Variants in NLK observed in about 807,000 individuals in gnomAD.
The protein encoded by NLK is nemo like kinase.
NLK carries 11 observed loss-of-function variants against 59.0 expected under a neutral mutation model. The observed-to-expected ratio is 0.19, with a 90% CI of 0.12 to 0.31. NLK has a LOEUF of 0.31. NLK is among the 10% of genes least tolerant of loss of function. The pLI is 1.00. For synonymous variants in NLK, 235 were observed against 235.9 expected, an observed-to-expected ratio of 1.00 and a Z score of 0.03; for missense variants, 410 against 661.1, an observed-to-expected ratio of 0.62 and a Z score of 4.16.
At chr17:28,076,169 G>T (rs1237906340) in intron 1 of NLK, among the ~76,000 whole-genome samples, 2 of 152,052 alleles carry the variant, frequency 1.3e-5, no homozygotes, top group Non-Finnish European at 2.9e-5. Context: ...TTAAAGAAAA[G>T]GATAATTAAA....
chr17:28,202,880 C>T, the NLK span, among the ~76,000 whole-genome samples: 3 of 151,626 alleles, frequency 2.0e-5, no homozygotes, highest in African/African-American at 4.8e-5. Context: ...GATGGGGTTT[C>T]GCCATGTTGG....
rs886748924 is a variant in NLK, at chr17:28,144,267, T to C, written c.644+11592T>C. On this transcript the variant is annotated intron_variant, in intron 3 of 10. Transcript: ENST00000407008. Reference sequence around the variant, plus strand: ...TAGTGTGTAGCAAATCCTGAGATTGTTTTAAAGCACTGTTTAAAGTTCAAA... The same window carrying C: ...TAGTGTGTAGCAAATCCTGAGATTGCTTTAAAGCACTGTTTAAAGTTCAAA... Among the ~76,000 whole-genome samples the C allele has an allele frequency of 2.0e-5, 3 of 152,144 alleles. No homozygotes were observed. The South Asian group carries it at 6.2e-4, about 31-fold the overall frequency.
chr17:28,183,864 AG>A (rs987905196), intron 7 of NLK, among the ~76,000 whole-genome samples: 6 of 152,220 alleles, frequency 3.9e-5, no homozygotes, highest in Non-Finnish European at 7.3e-5. Context: ...TCTCTGCTAA[AG>A]GTTGTATTAA....
chr17:28,064,879 G>A (rs1909776576), intron 1 of NLK, among the ~76,000 whole-genome samples: 1 of 152,148 alleles, frequency 6.6e-6, no homozygotes. Context: ...AATTAAATGT[G>A]ATAATGTGTA....
At chr17:28,053,167 C>T (rs1909319835) in intron 1 of NLK, among the ~76,000 whole-genome samples, 1 of 152,160 alleles carries the variant, frequency 6.6e-6, no homozygotes, top group Non-Finnish European at 1.5e-5. Context: ...AGATCCACTT[C>T]TGGACCTGGA....
At chr17:28,124,865 C>T (rs879934463) in intron 2 of NLK, among the ~76,000 whole-genome samples, 10 of 151,988 alleles carry the variant, frequency 6.6e-5, no homozygotes, top group East Asian at 1.9e-4. Context: ...GCTTGGGCAA[C>T]GCTGCAAAAC....
chr17:28,160,009 A>G (rs1351888837), intron 3 of NLK, among the ~76,000 whole-genome samples: 36 of 152,234 alleles, frequency 2.4e-4, no homozygotes, highest in Admixed American at 2.3e-3. Flanking sequence ...TGAAATGTCA[A>G]TTAGGTATCC....
intron 5 of NLK, 45 bp downstream of exon 5, chr17:28,163,673 C>CA (rs1908104147): frequency 8.9e-7 from 1 of 1,129,794 alleles, no homozygotes. Flanking sequence ...ATCAGAATGT[C>CA]AGGGCAGGTT....
Position 28,168,619 on chromosome 17 carries a change from C to T in NLK, c.1009C>T (p.Arg337Ter). The change falls in exon 6 of 11, where the codon CGA (arginine) becomes TGA (stop). Residue 337 changes from arginine to a stop codon, truncating the protein, a stop_gained. Coordinates refer to ENST00000407008, the MANE Select transcript of NLK (RefSeq NM_016231.5). LOFTEE classifies it high-confidence loss of function. ...ATGTATCTTTGCAGAACTACTAGGACGAAGAATATTGTTTCAGGCACAGAG... is the reference window on the plus strand; with the variant it reads ...ATGTATCTTTGCAGAACTACTAGGATGAAGAATATTGTTTCAGGCACAGAG... ...VGCIFAELLG[R>*]RILFQAQSPI... The T allele has an allele frequency of 6.2e-7, 1 of 1,613,698 alleles. No individual in the cohort carries two copies. The highest frequency in any genetic ancestry group is 8.5e-7 in the Non-Finnish European group (1 of 1,179,750).
chr17:28,192,888 G>A (rs1909358034), intron 10 of NLK, among the ~76,000 whole-genome samples: 1 of 152,136 alleles, frequency 6.6e-6, no homozygotes, highest in Admixed American at 6.5e-5. Flanking sequence ...CTGCAAGCAA[G>A]AAAATAATTT....
At chr17:28,166,354 A>G (rs1196292914) in intron 5 of NLK, among the ~76,000 whole-genome samples, 1 of 152,196 alleles carries the variant, frequency 6.6e-6, no homozygotes, top group Non-Finnish European at 1.5e-5. Context: ...ATACTGATTC[A>G]TTCCCACATA....
At position 28,170,948 on chromosome 17, in the gene NLK, C is replaced by T. The variant is rs74993187; in HGVS notation, c.1048-1569C>T. ...AATGAAGATCTAAAATAGGAAAAGG[C>T]TCTAACTTCTAATGGAAGTCATTAT... On this transcript the variant is annotated intron_variant, in intron 6 of 10. Transcript: ENST00000407008. Among the ~76,000 whole-genome samples the T allele has an allele frequency of 3.3e-3, 500 of 152,278 alleles. 1 individual carries two copies. The highest frequency in any genetic ancestry group is 0.012 in the African/African-American group (481 of 41,560).
At chr17:28,052,857 A>G (rs1468634723) in intron 1 of NLK, among the ~76,000 whole-genome samples, 2 of 150,060 alleles carry the variant, frequency 1.3e-5, no homozygotes, top group African/African-American at 4.9e-5. Flanking sequence ...ACACATGGCT[A>G]CTGACCAGCA....
chr17:28,094,458 C>A (rs968662657), intron 1 of NLK, among the ~76,000 whole-genome samples: 4 of 152,136 alleles, frequency 2.6e-5, no homozygotes, highest in African/African-American at 9.7e-5. Context: ...GAGTTCAAAG[C>A]TTATGTACCA....
At chr17:28,104,402 C>T (rs1469046986) in intron 1 of NLK, among the ~76,000 whole-genome samples, 1 of 152,034 alleles carries the variant, frequency 6.6e-6, no homozygotes, top group Non-Finnish European at 1.5e-5. Context: ...ATTACAGGCA[C>T]ACGCCACTAT....
intron 2 of NLK, among the ~76,000 whole-genome samples, chr17:28,124,056 A>C (rs1402359026): frequency 6.6e-6 from 1 of 152,226 alleles, no homozygotes; most frequent in Non-Finnish European, 1.5e-5. Context: ...GGTATTTGTT[A>C]AAACTGGGAG....
At chr17:28,069,976 C>T (rs780497527) in intron 1 of NLK, among the ~76,000 whole-genome samples, 2 of 151,966 alleles carry the variant, frequency 1.3e-5, no homozygotes, top group Admixed American at 1.3e-4. Flanking sequence ...TGTTTCGTGC[C>T]TGTAATCCTA....
chr17:28,147,468 G>A (rs1192738873), intron 3 of NLK, among the ~76,000 whole-genome samples: 3 of 152,114 alleles, frequency 2.0e-5, no homozygotes, highest in African/African-American at 7.2e-5. Context: ...ATGCAGCATC[G>A]TATAGGTGGG....
intron 3 of NLK, among the ~76,000 whole-genome samples, chr17:28,155,861 A>G (rs976621918): frequency 1.3e-5 from 2 of 152,202 alleles, no homozygotes; most frequent in Non-Finnish European, 2.9e-5. Flanking sequence ...GCAAACCAAC[A>G]TGGCTCATGT....
Sources: allele counts gnomAD v4.1 joint callset (sites outside exome capture counted in the v4.1 genomes callset), GRCh38; gene constraint gnomAD v4.1.1; transcripts MANE v1.5; gene names NCBI Gene and HGNC (gene_info 2026-07-23, HGNC 2026-07-21).